AQP7B: variants seen among roughly 807,000 people sequenced by gnomAD.
The protein encoded by AQP7B is putative aquaporin-7B.
chr2:94,589,421 C>T, the AQP7B span, among the ~76,000 whole-genome samples: 9 of 152,188 alleles, frequency 5.9e-5, no homozygotes, highest in East Asian at 5.8e-4. Context: ...ATCTTCATGG[C>T]TTTGCTCCAA....
chr2:94,597,751 C>T, the AQP7B span, among the ~76,000 whole-genome samples: 1 of 151,874 alleles, frequency 6.6e-6, no homozygotes, highest in South Asian at 2.1e-4. Context: ...ATTACAGGTG[C>T]ATGCCACCAT....
the AQP7B span, among the ~76,000 whole-genome samples, chr2:94,599,397 C>T: frequency 6.6e-6 from 1 of 152,140 alleles, no homozygotes; most frequent in Non-Finnish European, 1.5e-5. Flanking sequence ...CATATCTGGG[C>T]TATTTCACAT....
the AQP7B span, among the ~76,000 whole-genome samples, chr2:94,598,489 G>A: frequency 6.6e-5 from 10 of 152,286 alleles, no homozygotes; most frequent in Middle Eastern, 3.4e-3. Context: ...ACGGGGCAAG[G>A]GTTGTAGATC....
At chr2:94,589,319 T>C in the AQP7B span, among the ~76,000 whole-genome samples, 2 of 152,108 alleles carry the variant, frequency 1.3e-5, no homozygotes, top group Non-Finnish European at 2.9e-5. Flanking sequence ...TCACACTGAC[T>C]TTCTTTGCTT....
the AQP7B span, among the ~76,000 whole-genome samples, chr2:94,596,111 G>A: frequency 5.1e-3 from 776 of 152,368 alleles, 25 homozygotes; most frequent in Admixed American, 0.034. Flanking sequence ...GGAAGAAGCC[G>A]TCAGCGGCAT....
At chr2:94,603,425 G>A in the AQP7B span, 8 of 1,609,928 alleles carry the variant, frequency 5.0e-6, no homozygotes, top group African/African-American at 5.3e-5. Context: ...ATGGTGACCG[G>A]TCCCTTTGCT....
At chr2:94,604,295 G>T in the AQP7B span, 2 of 1,603,900 alleles carry the variant, frequency 1.2e-6, no homozygotes, top group Non-Finnish European at 1.7e-6. Context: ...CAGCGATGGG[G>T]AGAACTGGTG....
the AQP7B span, among the ~76,000 whole-genome samples, chr2:94,587,849 G>C: frequency 6.6e-6 from 1 of 152,058 alleles, no homozygotes; most frequent in African/African-American, 2.4e-5. Context: ...GCTGGAGCTG[G>C]GGCTGGAGGG....
chr2:94,595,845 G>A, the AQP7B span, among the ~76,000 whole-genome samples: 3 of 152,158 alleles, frequency 2.0e-5, no homozygotes, highest in Non-Finnish European at 4.4e-5. Context: ...AAATCCAGGA[G>A]ATAGTTAAAC....
chr2:94,603,214 G>A, the AQP7B span: 20 of 1,446,962 alleles, frequency 1.4e-5, no homozygotes, highest in Middle Eastern at 2.0e-4. Context: ...GGCCTCAGCC[G>A]CCTCCTATGA....
At chr2:94,597,064 C>A in the AQP7B span, among the ~76,000 whole-genome samples, 4 of 152,180 alleles carry the variant, frequency 2.6e-5, no homozygotes, top group East Asian at 7.8e-4. Context: ...GTCTCAGCAC[C>A]CAGTGTGGTA....
chr2:94,601,947 G>T, the AQP7B span, among the ~76,000 whole-genome samples: 8 of 152,038 alleles, frequency 5.3e-5, no homozygotes, highest in African/African-American at 1.9e-4. Context: ...GCCGCCTGAG[G>T]TCAGTGGAAA....
At chr2:94,596,718 G>C in the AQP7B span, among the ~76,000 whole-genome samples, 1 of 152,024 alleles carries the variant, frequency 6.6e-6, no homozygotes, top group Non-Finnish European at 1.5e-5. Flanking sequence ...TCTTGTTTTT[G>C]AGACAGGGTC....
chr2:94,587,339 G>A, the AQP7B span, among the ~76,000 whole-genome samples: 1 of 152,218 alleles, frequency 6.6e-6, no homozygotes, highest in East Asian at 1.9e-4. Flanking sequence ...CACGGAGGAA[G>A]AAGATCAAGA....
At chr2:94,597,612 G>GTT in the AQP7B span, among the ~76,000 whole-genome samples, 43 of 127,612 alleles carry the variant, frequency 3.4e-4, no homozygotes, top group African/African-American at 7.6e-4. Flanking sequence ...AGTCTTTTTT[G>GTT]TTTTTTTTTT....
chr2:94,595,286 T>C, the AQP7B span, among the ~76,000 whole-genome samples: 2 of 151,858 alleles, frequency 1.3e-5, no homozygotes, highest in Non-Finnish European at 2.9e-5. Flanking sequence ...AATACAAAAA[T>C]TAGCTGGGCA....
the AQP7B span, among the ~76,000 whole-genome samples, chr2:94,592,920 C>A: frequency 7.2e-6 from 1 of 138,934 alleles, no homozygotes; most frequent in African/African-American, 2.7e-5. Context: ...GCCTTCTGGG[C>A]TCAGGCAATC....
At chr2:94,591,725 A>C in the AQP7B span, among the ~76,000 whole-genome samples, 1 of 152,114 alleles carries the variant, frequency 6.6e-6, no homozygotes, top group Non-Finnish European at 1.5e-5. Context: ...CCTTAGTTGC[A>C]GGCCTTTGCA....
the AQP7B span, among the ~76,000 whole-genome samples, chr2:94,596,762 C>T: frequency 6.6e-6 from 1 of 152,156 alleles, no homozygotes; most frequent in Non-Finnish European, 1.5e-5. Context: ...TGCAGTGGTA[C>T]GATCTCAGCT....
Sources: gnomAD v4.1 joint callset for allele counts (sites outside exome capture counted in the v4.1 genomes callset) on GRCh38, gnomAD v4.1.1 for gene constraint, MANE v1.5 for transcripts, NCBI Gene and HGNC (gene_info 2026-07-23, HGNC 2026-07-21) for gene names.